The following FRMD4A variants were observed in gnomAD, a reference collection of about 807,000 sequenced individuals.
FRMD4A encodes FERM domain containing 4A, also known as FERM domain-containing protein 4A.
A neutral mutation model predicts 129.1 loss-of-function variants in FRMD4A; 29 were observed. That is an observed-to-expected ratio of 0.22 (90% CI 0.17 to 0.31). The LOEUF is 0.31. Ranked by LOEUF, FRMD4A falls within the 10% of genes least tolerant of loss-of-function variation. The pLI is 1.00. For missense variants in FRMD4A, 1,272 were observed against 1,375.8 expected, an observed-to-expected ratio of 0.92 and a Z score of 1.19; for synonymous variants, 634 against 571.6, an observed-to-expected ratio of 1.11 and a Z score of -1.56.
At chr10:13,906,109 G>A (rs928198654) in intron 2 of FRMD4A, among the ~76,000 whole-genome samples, 1 of 152,174 alleles carries the variant, frequency 6.6e-6, no homozygotes, top group Non-Finnish European at 1.5e-5. Context: ...CATCCTTCTT[G>A]GTGTGTATTA....
intron 6 of FRMD4A, among the ~76,000 whole-genome samples, chr10:13,782,444 A>G (rs200458100): frequency 3.7e-5 from 1 of 26,762 alleles, no homozygotes; most frequent in African/African-American, 6.6e-5. Flanking sequence ...TATTATTATT[A>G]TTCCTTTTTT....
intron 2 of FRMD4A, among the ~76,000 whole-genome samples, chr10:14,268,307 C>G (rs192033406): frequency 6.6e-6 from 1 of 152,328 alleles, no homozygotes; most frequent in East Asian, 1.9e-4. Context: ...GGCAGTCTCT[C>G]TCAACATGAT....
intron 2 of FRMD4A, among the ~76,000 whole-genome samples, chr10:14,076,933 A>G (rs1835644992): frequency 6.6e-6 from 1 of 152,190 alleles, no homozygotes. Flanking sequence ...AGGAAGAGAT[A>G]CAGAGGTGAA....
At chr10:14,122,605 G>A (rs150951320) in intron 2 of FRMD4A, among the ~76,000 whole-genome samples, 1 of 151,438 alleles carries the variant, frequency 6.6e-6, no homozygotes, top group Non-Finnish European at 1.5e-5. Context: ...CAAGTGGGGT[G>A]GGGGGTAGGG....
chr10:14,185,688 C>T (rs150655851), intron 2 of FRMD4A, among the ~76,000 whole-genome samples: 301 of 152,276 alleles, frequency 2.0e-3, no homozygotes, highest in East Asian at 0.01. Flanking sequence ...GAGAGGATAG[C>T]AGCAGCTCAA....
intron 2 of FRMD4A, among the ~76,000 whole-genome samples, chr10:14,011,952 C>T (rs183170316): frequency 2.7e-4 from 41 of 149,674 alleles, no homozygotes; most frequent in Non-Finnish European, 4.9e-4. Context: ...GAGGTTGTAG[C>T]GAGCTGAGAT....
intron 23 of FRMD4A, chr10:13,653,560 C>T (rs1176069068): frequency 6.6e-6 from 1 of 152,282 alleles, no homozygotes; most frequent in Non-Finnish European, 1.5e-5. Context: ...TTGTGCTTTT[C>T]TCATGATTCA....
intron 2 of FRMD4A, among the ~76,000 whole-genome samples, chr10:14,160,103 T>A (rs1840806772): frequency 6.6e-6 from 1 of 152,132 alleles, no homozygotes; most frequent in Non-Finnish European, 1.5e-5. Flanking sequence ...GATATTGGTA[T>A]AAAAACAGAC....
rs1839249013 is a variant in FRMD4A, at chr10:14,131,401, C to CCCCG, written c.45+198653_45+198656dup. On this transcript the variant is annotated intron_variant, in intron 2 of 24. Coordinates refer to ENST00000357447, the MANE Select transcript of FRMD4A (RefSeq NM_018027.5). ...TCCTTAGCCCAACTCACTGTGCCCC[C>CCCCG]CCCGGCCGCCCTGTTGTCTCTAGGT... is the stretch of plus-strand genomic sequence containing the variant. Among the ~76,000 whole-genome samples the CCCCG allele has an allele frequency of 4.0e-5, 6 of 151,790 alleles. No homozygotes were observed. In the South Asian group the frequency reaches 8.4e-4, roughly 21 times the overall value.
chr10:13,657,374 T>C lies in FRMD4A; in HGVS notation c.2215A>G (p.Asn739Asp). ...CAGTCGTCCATGGGGTCTGAGCCGT[T>C]GCTGCTACGAGTCCGCGGGGTGTAG... is the stretch of plus-strand genomic sequence containing the variant. ...DFYTPRTRSS[N>D]GSDPMDDCSS... is the part of the protein sequence containing the mutation. The change falls in exon 22 of 25, where the codon AAC becomes GAC. Residue 739 changes from asparagine (N) to aspartate (D), a missense_variant. Transcript: ENST00000357447. 1 of 1,612,430 alleles carries C rather than the reference T, an allele frequency of 6.2e-7. No individual in the cohort carries two copies.
chr10:14,111,555 C>T (rs1837902890), intron 2 of FRMD4A, among the ~76,000 whole-genome samples: 1 of 152,110 alleles, frequency 6.6e-6, no homozygotes, highest in African/African-American at 2.4e-5. Context: ...GATCAAAGTA[C>T]AGAAGTCATT....
chr10:13,663,279 C>T (rs1357810318), intron 19 of FRMD4A, among the ~76,000 whole-genome samples, 174 bp downstream of exon 19: 2 of 136,490 alleles, frequency 1.5e-5, no homozygotes, highest in African/African-American at 5.4e-5. Context: ...TATGCAGCAC[C>T]TACCCACTCC....
At chr10:14,250,267 T>C (rs960547816) in intron 2 of FRMD4A, among the ~76,000 whole-genome samples, 1 of 152,224 alleles carries the variant, frequency 6.6e-6, no homozygotes, top group Non-Finnish European at 1.5e-5. Context: ...GGCCTGTTTT[T>C]ACTTTTCTAT....
intron 2 of FRMD4A, among the ~76,000 whole-genome samples, chr10:14,228,567 C>T (rs1843526130): frequency 6.6e-6 from 1 of 152,142 alleles, no homozygotes. Flanking sequence ...TTGAGAAAAT[C>T]TTGTTTAGTT....
At chr10:14,094,526 G>C (rs566269782) in intron 2 of FRMD4A, among the ~76,000 whole-genome samples, 1 of 152,208 alleles carries the variant, frequency 6.6e-6, no homozygotes, top group East Asian at 1.9e-4. Flanking sequence ...CTTCTACCCA[G>C]GGTCACCCAT....
At chr10:13,656,398 T>G (rs1334167361) in intron 22 of FRMD4A, among the ~76,000 whole-genome samples, 1 of 152,152 alleles carries the variant, frequency 6.6e-6, no homozygotes, top group Non-Finnish European at 1.5e-5. Context: ...CCCAGTGCAC[T>G]CTGGAGGGTC....
At chr10:13,873,228 C>A in intron 2 of FRMD4A, among the ~76,000 whole-genome samples, 1 of 143,302 alleles carries the variant, frequency 7.0e-6, no homozygotes, top group African/African-American at 2.6e-5. Flanking sequence ...ATGGAGACCC[C>A]AGACAGACAG....
intron 2 of FRMD4A, among the ~76,000 whole-genome samples, chr10:13,880,280 T>A (rs1257007716): frequency 2.0e-5 from 3 of 152,198 alleles, no homozygotes; most frequent in African/African-American, 7.2e-5. Context: ...GTCATCTCCA[T>A]TTTGTGCTCT....
chr10:14,253,182 T>C (rs530881657), intron 2 of FRMD4A, among the ~76,000 whole-genome samples: 1 of 152,374 alleles, frequency 6.6e-6, no homozygotes, highest in South Asian at 2.1e-4. Context: ...AACTGTTGTT[T>C]GTTTTTGTCC....
Sources: gnomAD v4.1 joint callset for allele counts (sites outside exome capture counted in the v4.1 genomes callset) on GRCh38, gnomAD v4.1.1 for gene constraint, MANE v1.5 for transcripts, NCBI Gene and HGNC (gene_info 2026-07-23, HGNC 2026-07-21) for gene names.